KCND2: variants seen among roughly 807,000 people sequenced by gnomAD.
The protein encoded by KCND2 is A-type voltage-gated potassium channel KCND2.
In KCND2, 16 loss-of-function variants were observed where a neutral mutation model predicts 54.4. That is an observed-to-expected ratio of 0.29 (90% CI 0.20 to 0.45). The LOEUF (loss-of-function observed/expected upper bound fraction) is 0.45. Ranked by LOEUF, KCND2 falls within the 20% of genes least tolerant of loss-of-function variation. The pLI, the probability that KCND2 is intolerant of heterozygous loss-of-function variation, is 1.00. For synonymous variants in KCND2, 317 were observed against 310.7 expected, an observed-to-expected ratio of 1.02 and a Z score of -0.21; for missense variants, 486 against 824.2, an observed-to-expected ratio of 0.59 and a Z score of 5.02.
chr7:120,371,734 A>G (rs1342814066), intron 1 of KCND2, among the ~76,000 whole-genome samples: 5 of 152,078 alleles, frequency 3.3e-5, no homozygotes, highest in East Asian at 3.9e-4. Flanking sequence ...AATACTTACT[A>G]TTCTACTACA....
At chr7:120,327,733 C>A (rs993168709) in intron 1 of KCND2, among the ~76,000 whole-genome samples, 3 of 151,616 alleles carry the variant, frequency 2.0e-5, no homozygotes, top group Non-Finnish European at 2.9e-5. Context: ...ATTGTCTAAT[C>A]ACTCTCACTG....
At chr7:120,494,647 T>C (rs1234482266) in intron 1 of KCND2, among the ~76,000 whole-genome samples, 1 of 152,182 alleles carries the variant, frequency 6.6e-6, no homozygotes, top group Non-Finnish European at 1.5e-5. Context: ...ATAGCCCTGC[T>C]GTGAAATCCA....
At chr7:120,435,331 T>C (rs1401997303) in intron 1 of KCND2, among the ~76,000 whole-genome samples, 1 of 151,138 alleles carries the variant, frequency 6.6e-6, no homozygotes, top group Non-Finnish European at 1.5e-5. Flanking sequence ...GCCAGGCTGG[T>C]CTTGAACTCC....
chr7:120,545,497 C>G (rs572251612), intron 1 of KCND2, among the ~76,000 whole-genome samples: 1 of 151,894 alleles, frequency 6.6e-6, no homozygotes, highest in East Asian at 1.9e-4. Flanking sequence ...CTGTTAAGCT[C>G]TATTCTTGAA....
chr7:120,418,562 C>T (rs1479074878), intron 1 of KCND2, among the ~76,000 whole-genome samples: 1 of 152,068 alleles, frequency 6.6e-6, no homozygotes, highest in Non-Finnish European at 1.5e-5. Context: ...ATACTCATTA[C>T]TCAGATGACC....
intron 1 of KCND2, among the ~76,000 whole-genome samples, chr7:120,309,462 TATATATATATATACACACACAC>T (rs1799698402): frequency 8.5e-6 from 1 of 117,702 alleles, no homozygotes; most frequent in African/African-American, 3.2e-5. Flanking sequence ...CATATATATA[TATATATATATATACACACACAC>T]ACACACACAC....
chr7:120,678,224 A>G (rs1792090736), intron 1 of KCND2, among the ~76,000 whole-genome samples: 4 of 151,496 alleles, frequency 2.6e-5, no homozygotes, highest in Admixed American at 2.6e-4. Context: ...CATTTATACT[A>G]GCATCTAAAT....
chr7:120,507,772 A>C (rs1451244276), intron 1 of KCND2, among the ~76,000 whole-genome samples: 1 of 151,806 alleles, frequency 6.6e-6, no homozygotes, highest in Non-Finnish European at 1.5e-5. Context: ...AACATAAAAC[A>C]CTGTTATTTT....
chr7:120,595,466 T>A (rs1327260262), intron 1 of KCND2, among the ~76,000 whole-genome samples: 96 of 126,716 alleles, frequency 7.6e-4, no homozygotes, highest in African/African-American at 2.6e-3. Flanking sequence ...AAAAAATATA[T>A]ATATATATAT....
intron 1 of KCND2, among the ~76,000 whole-genome samples, chr7:120,438,130 C>G (rs1275414111): frequency 6.6e-6 from 1 of 152,198 alleles, no homozygotes; most frequent in Non-Finnish European, 1.5e-5. Context: ...GCCCATATCA[C>G]AACAAAGGTG....
chr7:120,581,613 A>G (rs1261952284), intron 1 of KCND2, among the ~76,000 whole-genome samples: 1 of 152,214 alleles, frequency 6.6e-6, no homozygotes, highest in Non-Finnish European at 1.5e-5. Context: ...TTCTTTACAG[A>G]TGAAAAATGT....
intron 1 of KCND2, among the ~76,000 whole-genome samples, chr7:120,508,190 C>G (rs545418090): frequency 1.3e-5 from 2 of 151,848 alleles, no homozygotes; most frequent in South Asian, 4.2e-4. Context: ...TACTTTAGAA[C>G]AAAAATTATT....
intron 1 of KCND2, among the ~76,000 whole-genome samples, chr7:120,714,518 T>C (rs1209653448): frequency 2.0e-5 from 3 of 152,242 alleles, no homozygotes; most frequent in East Asian, 3.9e-4. Flanking sequence ...TTTTCAGCAG[T>C]GTATATTAAT....
At chr7:120,539,855 C>T (rs1367354189) in intron 1 of KCND2, among the ~76,000 whole-genome samples, 3 of 152,078 alleles carry the variant, frequency 2.0e-5, no homozygotes, top group Admixed American at 6.6e-5. Context: ...CTTACTCATC[C>T]AACATATCTG....
intron 1 of KCND2, among the ~76,000 whole-genome samples, chr7:120,339,050 A>T (rs368859926): frequency 2.2e-5 from 3 of 138,906 alleles, no homozygotes; most frequent in Non-Finnish European, 3.0e-5. Flanking sequence ...CTGGCTAATT[A>T]TTATTTTTTT....
At chr7:120,680,383 C>T (rs575308774) in intron 1 of KCND2, among the ~76,000 whole-genome samples, 64 of 152,206 alleles carry the variant, frequency 4.2e-4, no homozygotes, top group African/African-American at 1.5e-3. Flanking sequence ...ATGTGATATT[C>T]GTGATACCAG....
chr7:120,427,568 G>C (rs1279899923), intron 1 of KCND2, among the ~76,000 whole-genome samples: 1 of 152,066 alleles, frequency 6.6e-6, no homozygotes, highest in Non-Finnish European at 1.5e-5. Context: ...CAAGTACAAT[G>C]AATTGTGAAT....
In KCND2 at chr7:120,332,071, T is replaced by C. The variant is rs141654376; in HGVS notation, c.1115+56324T>C. Among the ~76,000 whole-genome samples the C allele has an allele frequency of 5.0e-4, 76 of 152,202 alleles. No homozygotes were observed. The East Asian group carries it at 0.012, about 23-fold the overall frequency. ...CTAGACTTTCGGTTGGCTTTAAAAA[T>C]ATCAGTATCTGTTCTCCCCTGCAAC... On this transcript the variant is annotated intron_variant, in intron 1 of 5. Transcript: ENST00000331113.
intron 1 of KCND2, among the ~76,000 whole-genome samples, chr7:120,391,953 G>A (rs531687740): frequency 7.2e-5 from 11 of 152,094 alleles, no homozygotes; most frequent in African/African-American, 2.6e-4. Flanking sequence ...GGCTTTTGTT[G>A]CAATTGCTTT....
Sources: gnomAD v4.1 joint callset for allele counts (sites outside exome capture counted in the v4.1 genomes callset) on GRCh38, gnomAD v4.1.1 for gene constraint, MANE v1.5 for transcripts, NCBI Gene and HGNC (gene_info 2026-07-23, HGNC 2026-07-21) for gene names.